The following MACROD2 variants were observed in gnomAD, a reference collection of about 807,000 sequenced individuals.
The protein encoded by MACROD2 is mono-ADP ribosylhydrolase 2.
In MACROD2, 36 loss-of-function variants were observed where a neutral mutation model predicts 70.4. That is an observed-to-expected ratio of 0.51 (90% CI 0.39 to 0.68). The LOEUF is 0.68. Ranked by LOEUF, MACROD2 falls within the 30% of genes least tolerant of loss-of-function variation. The probability of loss-of-function intolerance (pLI) is 0.00; values close to 1 mark genes in which losing one functional copy is unlikely to be tolerated. For missense variants in MACROD2, 496 were observed against 538.4 expected (o/e 0.92, Z 0.78); for synonymous variants, 172 against 178.8 (o/e 0.96, Z 0.30).
chr20:15,935,970 A>G (rs2065652152), intron 11 of MACROD2, among the ~76,000 whole-genome samples: 1 of 152,172 alleles, frequency 6.6e-6, no homozygotes, highest in African/African-American at 2.4e-5. Context: ...AGATAGTGAC[A>G]GAGAATTCTG....
intron 3 of MACROD2, among the ~76,000 whole-genome samples, chr20:14,481,766 A>G (rs1259458776): frequency 6.6e-6 from 1 of 152,212 alleles, no homozygotes; most frequent in African/African-American, 2.4e-5. Flanking sequence ...CCTTGGGCAA[A>G]TAACTTAACC....
intron 2 of MACROD2, chr20:14,051,726 C>A: frequency 4.9e-6 from 2 of 405,812 alleles, no homozygotes; most frequent in South Asian, 1.8e-5. Context: ...AAAGGTATAT[C>A]CTGGTGGGTA....
At chr20:15,892,023 G>A (rs2064896817) in intron 10 of MACROD2, among the ~76,000 whole-genome samples, 1 of 152,106 alleles carries the variant, frequency 6.6e-6, no homozygotes, top group African/African-American at 2.4e-5. Context: ...TCGATTGAGG[G>A]ATACAACCAG....
chr20:15,360,852 A>G (rs1405099705), intron 6 of MACROD2, among the ~76,000 whole-genome samples: 1 of 151,904 alleles, frequency 6.6e-6, no homozygotes, highest in Admixed American at 6.6e-5. Flanking sequence ...CCATCCAAAT[A>G]TACTCTTCAG....
chr20:14,836,040 C>G (rs1278346460), intron 5 of MACROD2, among the ~76,000 whole-genome samples: 4 of 151,848 alleles, frequency 2.6e-5, no homozygotes, highest in Non-Finnish European at 5.9e-5. Flanking sequence ...TAAATGGTTA[C>G]AGAATTCCCC....
chr20:14,979,684 G>A (rs890952956), intron 5 of MACROD2, among the ~76,000 whole-genome samples: 9 of 152,180 alleles, frequency 5.9e-5, no homozygotes, highest in Non-Finnish European at 7.3e-5. Flanking sequence ...GCCAATCTGC[G>A]AGGTCAGCTA....
chr20:14,368,538 G>C (rs992217222), intron 3 of MACROD2, among the ~76,000 whole-genome samples: 6 of 150,488 alleles, frequency 4.0e-5, no homozygotes, highest in African/African-American at 9.8e-5. Flanking sequence ...GCGAGACTCT[G>C]TCTCAAAAAA....
chr20:15,317,531 A>G lies in MACROD2; in HGVS notation c.540+87470A>G, dbSNP rs140968937. Among the ~76,000 whole-genome samples, 150 of 126,202 alleles carry G rather than the reference A, an allele frequency of 1.2e-3. 6 individuals carry two copies. The East Asian group carries it at 0.029, about 24-fold the overall frequency. 82.8% of individuals were successfully genotyped at this position (126,202 alleles called of 152,430 possible). A position where few individuals can be genotyped will look rare whatever the true frequency, so the allele number is the denominator to read the frequency against. On this transcript the variant is annotated intron_variant, in intron 6 of 17. Coordinates refer to ENST00000684519, the MANE Select transcript of MACROD2 (RefSeq NM_001351661.2). ...TATCTATCTATCTATCTATCTGTCT[A>G]TCTATCTCTATCAAGATATTTATTA... is the stretch of plus-strand genomic sequence containing the variant.
At chr20:15,617,136 C>G (rs1314612541) in intron 8 of MACROD2, among the ~76,000 whole-genome samples, 8 of 152,032 alleles carry the variant, frequency 5.3e-5, no homozygotes, top group Non-Finnish European at 1.0e-4. Flanking sequence ...TTTCAAGTTA[C>G]CAGGCTTTGT....
chr20:14,938,940 A>ATTTTTTTTTTTTTTTTTT (rs1230863391), intron 5 of MACROD2, among the ~76,000 whole-genome samples: 15 of 86,464 alleles, frequency 1.7e-4, no homozygotes, highest in African/African-American at 3.4e-4. Flanking sequence ...GTTAAATCAG[A>ATTTTTTTTTTTTTTTTTT]TTTTTTTTTT....
intron 7 of MACROD2, 62 bp from the exon 8 acceptor site, chr20:15,499,712 A>G: frequency 2.0e-6 from 3 of 1,486,794 alleles, no homozygotes; most frequent in Non-Finnish European, 2.8e-6. Context: ...TCATAGCGTG[A>G]TTAGCCTCCC....
chr20:14,878,940 C>A (rs1341683885), intron 5 of MACROD2, among the ~76,000 whole-genome samples: 1 of 152,084 alleles, frequency 6.6e-6, no homozygotes, highest in Non-Finnish European at 1.5e-5. Flanking sequence ...TTCTTTCCAT[C>A]TTTAATACCC....
intron 5 of MACROD2, among the ~76,000 whole-genome samples, chr20:14,771,583 C>T (rs1351439389): frequency 2.6e-5 from 4 of 151,278 alleles, no homozygotes; most frequent in African/African-American, 9.7e-5. Context: ...CCCTAAAATA[C>T]ATCATTTTTG....
At chr20:15,053,598 C>A (rs537808853) in intron 5 of MACROD2, among the ~76,000 whole-genome samples, 39 of 152,218 alleles carry the variant, frequency 2.6e-4, no homozygotes, top group African/African-American at 9.4e-4. Flanking sequence ...AAAATATTAT[C>A]GCTTATTAAC....
chr20:14,638,441 A>C (rs6042830), intron 4 of MACROD2, among the ~76,000 whole-genome samples: 2 of 151,632 alleles, frequency 1.3e-5, no homozygotes, highest in South Asian at 2.1e-4. Context: ...AATTTAGGCC[A>C]CTCTAGAGAT....
chr20:15,510,840 G>T lies in MACROD2; in HGVS notation c.645+10993G>T, dbSNP rs147761401. 7.7e-3 allele frequency among the ~76,000 whole-genome samples: 1,169 copies of T among 152,330 alleles called. 8 individuals are homozygous for T. The highest frequency in any genetic ancestry group is 0.013 in the Non-Finnish European group (864 of 68,032). On this transcript the variant is annotated intron_variant, in intron 8 of 17. Coordinates refer to ENST00000684519, the MANE Select transcript of MACROD2 (RefSeq NM_001351661.2). The stretch of plus-strand genomic sequence containing the variant: ...TGGCTAACGTGCTGTCCTGCAATCA[G>T]TTATGTCGTCTACATTTCTATTTAT...
At chr20:15,689,121 T>C (rs928255148) in intron 8 of MACROD2, among the ~76,000 whole-genome samples, 5 of 152,282 alleles carry the variant, frequency 3.3e-5, no homozygotes, top group African/African-American at 9.6e-5. Flanking sequence ...CTGGCCAACA[T>C]GGCGAAAACT....
At chr20:14,550,305 C>T (rs1418642290) in intron 4 of MACROD2, among the ~76,000 whole-genome samples, 3 of 152,096 alleles carry the variant, frequency 2.0e-5, no homozygotes, top group South Asian at 2.1e-4. Flanking sequence ...CCCTTCCTTC[C>T]CTTCCCTGTC....
intron 4 of MACROD2, among the ~76,000 whole-genome samples, chr20:14,593,491 T>C (rs1176550769): frequency 6.6e-6 from 1 of 152,170 alleles, no homozygotes; most frequent in Non-Finnish European, 1.5e-5. Context: ...AAACGTGCTT[T>C]GGGAAAGCTA....
Sources: allele counts gnomAD v4.1 joint callset (sites outside exome capture counted in the v4.1 genomes callset), GRCh38; gene constraint gnomAD v4.1.1; transcripts MANE v1.5; gene names NCBI Gene and HGNC (gene_info 2026-07-23, HGNC 2026-07-21).